The following LRRC75B variants were observed in gnomAD, a reference collection of about 807,000 sequenced individuals.
LRRC75B encodes leucine-rich repeat-containing protein 75B.
LRRC75B carries 20 observed loss-of-function variants against 16.5 expected under a neutral mutation model. The observed-to-expected ratio is 1.21, with a 90% confidence interval of 0.85 to 1.76. The LOEUF is 1.76. Among genes scored for constraint, LRRC75B ranks in the 40% most tolerant of loss-of-function variants. LRRC75B has a pLI of 0.00. For missense variants in LRRC75B, 406 were observed against 417.0 expected (o/e 0.97, Z 0.23); for synonymous variants, 199 against 198.1 (o/e 1.00, Z -0.04).
chr22:24,589,748 C>A (rs1161485626), intron 2 of LRRC75B, 73 bp downstream of exon 2: 5 of 1,490,032 alleles, frequency 3.4e-6, no homozygotes, highest in Non-Finnish European at 4.5e-6. Flanking sequence ...CCTCCCAGTC[C>A]CCAGCCCTGG....
Position 24,585,965 on chromosome 22 carries a change from C to G in LRRC75B, c.869G>C (p.Gly290Ala). 6.2e-7 allele frequency: 1 copy of G among 1,609,800 alleles called. No individual in the cohort carries two copies. Among genetic ancestry groups the G allele is most frequent in the Non-Finnish European group, 8.5e-7 (1 of 1,179,686 alleles). Residue 290 changes from glycine to alanine, a missense_variant, in exon 4 of 4, where the codon GGG becomes GCG. Coordinates refer to ENST00000318753, the MANE Select transcript of LRRC75B (RefSeq NM_207644.3). ...LDLEPEGSAA[G>A]ATTPASTWDS... is the part of the protein sequence containing the mutation. The stretch of plus-strand genomic sequence containing the variant: ...CCAGGTGGAGGCAGGGGTGGTGGCC[C>G]CGGCCGCACTGCCCTCAGGCTCAAG...
Position 24,585,656 on chromosome 22 carries a change from G to A in LRRC75B, c.*230C>T, listed in dbSNP as rs957271641. The A allele has an allele frequency of 8.4e-5, 48 of 570,496 alleles. No individual in the cohort carries two copies. The highest frequency in any genetic ancestry group is 1.1e-4 in the Non-Finnish European group (36 of 322,574). The allele number at this position is 570,496 out of a possible 1,614,324, so 35.3% of individuals were successfully genotyped here. A position where few individuals can be genotyped will look rare whatever the true frequency, so the allele number is the denominator to read the frequency against. On this transcript the variant is annotated 3_prime_UTR_variant, in exon 4 of 4. Transcript: ENST00000318753. ...AGAGGCGGGTGTCACTCTTTATTGCGGGGTCCACACTGTGGGTGCTGGGGC... is the reference window on the plus strand; with the variant it reads ...AGAGGCGGGTGTCACTCTTTATTGCAGGGTCCACACTGTGGGTGCTGGGGC...
In LRRC75B at chr22:24,586,460, C is replaced by T. The variant is rs570699672; in HGVS notation, c.423-49G>A. On this transcript the variant is annotated intron_variant, in intron 3 of 3. Transcript: ENST00000318753. The stretch of plus-strand genomic sequence containing the variant: ...ATGGACTAGGCAACCAGGCAGTCCC[C>T]CCACTGACCACAGACAGTGACCTGT... 7 of 1,562,280 alleles carry T rather than the reference C, an allele frequency of 4.5e-6. No individual in the cohort carries two copies. In the Admixed American group the frequency reaches 5.2e-5, roughly 12 times the overall value.
chr22:24,590,003 G>C, intron 1 of LRRC75B, 54 bp from the exon 2 acceptor site: 1 of 1,496,664 alleles, frequency 6.7e-7, no homozygotes, highest in East Asian at 2.5e-5. Flanking sequence ...CCATCTCGAG[G>C]CACCACCCCA....
intron 1 of LRRC75B, among the ~76,000 whole-genome samples, chr22:24,590,624 CCT>C (rs1355469415): frequency 1.3e-5 from 2 of 152,140 alleles, no homozygotes; most frequent in African/African-American, 2.4e-5. Context: ...CTCAAATTCC[CCT>C]GTCCCCCAGT....
rs1386773017 is a variant in LRRC75B, at chr22:24,586,096, C to G, written c.738G>C (p.Leu246=). 6.2e-7 allele frequency: 1 copy of G among 1,612,690 alleles called. No individual in the cohort carries two copies. Among genetic ancestry groups the G allele is most frequent in the South Asian group, 1.1e-5 (1 of 91,088 alleles). ...GGGAAGCCACATCCACGTTGTTGCC[C>G]AGGTCCACCCAAGCCAAAGCAGGGA... ...TKFPALAWVD[L]GNNVDVASLP... is the part of the protein sequence containing the mutation. Residue 246 remains leucine, a synonymous_variant, in exon 4 of 4, where the codon CTG becomes CTC. Coordinates refer to ENST00000318753, the MANE Select transcript of LRRC75B (RefSeq NM_207644.3).
At chr22:24,587,565 C>T (rs1352716790) in intron 3 of LRRC75B, among the ~76,000 whole-genome samples, 1 of 152,104 alleles carries the variant, frequency 6.6e-6, no homozygotes, top group Non-Finnish European at 1.5e-5. Flanking sequence ...AAGCTCCCGG[C>T]AGCAGTTCAG....
intron 1 of LRRC75B, chr22:24,592,400 C>T (rs2045596001): frequency 2.1e-6 from 1 of 470,846 alleles, no homozygotes; most frequent in South Asian, 1.5e-5. Flanking sequence ...GGTCCTCTCT[C>T]CAGGGTCCAC....
At chr22:24,589,657 A>C (rs1017072833) in intron 2 of LRRC75B, 164 bp downstream of exon 2, 2 of 805,174 alleles carry the variant, frequency 2.5e-6, no homozygotes, top group Non-Finnish European at 3.7e-6. Context: ...TGGCCAGCCT[A>C]ATATACTGAT....
chr22:24,591,290 G>C (rs1031692227), intron 1 of LRRC75B, among the ~76,000 whole-genome samples: 6 of 152,198 alleles, frequency 3.9e-5, no homozygotes, highest in African/African-American at 1.4e-4. Context: ...TGTTGGTCAG[G>C]CTGGTCTCGA....
chr22:24,592,721 C>T (rs1198930060), intron 1 of LRRC75B, 142 bp downstream of exon 1: 19 of 1,293,308 alleles, frequency 1.5e-5, no homozygotes, highest in Non-Finnish European at 1.8e-5. Flanking sequence ...CCTCGGAACC[C>T]GCCTGCGCGC....
intron 1 of LRRC75B, chr22:24,592,627 C>T (rs2045604808): frequency 6.8e-6 from 4 of 585,896 alleles, no homozygotes; most frequent in South Asian, 2.0e-5. Context: ...CTCCTCCACA[C>T]GGTCCGCCGA....
intron 1 of LRRC75B, 75 bp downstream of exon 1, chr22:24,592,788 C>G: frequency 1.6e-6 from 2 of 1,269,244 alleles, no homozygotes; most frequent in South Asian, 3.9e-5. Context: ...ACCCATAGCC[C>G]CGCGCCTCCC....
rs1405551678 is a variant in LRRC75B, at chr22:24,592,861, G to T, written c.177+2C>A. On this transcript the variant is annotated splice_donor_variant, in intron 1 of 3. Transcript: ENST00000318753. LOFTEE classifies it high-confidence loss of function. Reference sequence around the variant, plus strand: ...CCAGGGGCGGACGGCTCCTTCTCTCGCCTGGCGCAGGAGGCGCAGCAGCTG... The same window carrying T: ...CCAGGGGCGGACGGCTCCTTCTCTCTCCTGGCGCAGGAGGCGCAGCAGCTG... 2.3e-6 allele frequency: 3 copies of T among 1,280,674 alleles called. No individual in the cohort carries two copies. Among genetic ancestry groups the T allele is most frequent in the East Asian group, 3.2e-5 (1 of 31,294 alleles). 79.3% of individuals were successfully genotyped at this position (1,280,674 alleles called of 1,614,324 possible).
chr22:24,592,874 G>A lies in LRRC75B; in HGVS notation c.166C>T (p.Leu56Phe). 7.8e-7 allele frequency: 1 copy of A among 1,283,486 alleles called. No individual in the cohort carries two copies. The highest frequency in any genetic ancestry group is 9.9e-7 in the Non-Finnish European group (1 of 1,015,116). 79.5% of individuals were successfully genotyped at this position (1,283,486 alleles called of 1,614,324 possible). ...GCTCCTTCTCTCGCCTGGCGCAGGA[G>A]GCGCAGCAGCTGCCGGGCGCGCTCC... ...RPERARQLLR[L>F]LRQDLGLERT... Residue 56 changes from leucine to phenylalanine, a missense_variant, in exon 1 of 4, where the codon CTC becomes TTC. Leu to Phe is a conservative substitution (Grantham distance 22, BLOSUM62 0). Transcript: ENST00000318753.
In LRRC75B at chr22:24,589,863, G is replaced by A. The variant is rs753380913; in HGVS notation, c.264C>T (p.Asp88=). The A allele has an allele frequency of 6.2e-7, 1 of 1,613,974 alleles. No individual in the cohort carries two copies. The highest frequency in any genetic ancestry group is 8.5e-7 in the Non-Finnish European group (1 of 1,179,930). Residue 88 remains aspartate (D), a synonymous_variant, in exon 2 of 4, where the codon GAC becomes GAT. Coordinates refer to ENST00000318753, the MANE Select transcript of LRRC75B (RefSeq NM_207644.3). ...GGTCCCGGGCCAGGTTCACAAGCAG[G>A]TCATGGGAGATGGGGTCGACCGGGT... ...FLNPVDPISH[D]LLVNLARDLQ...
At chr22:24,589,385 G>A (rs1228059590) in intron 2 of LRRC75B, 2 of 1,105,280 alleles carry the variant, frequency 1.8e-6, no homozygotes, top group African/African-American at 3.4e-5. Flanking sequence ...GTCTGTACAG[G>A]ATGGAGACCT....
At position 24,586,384 on chromosome 22, in the gene LRRC75B, C is replaced by G; in HGVS notation, c.450G>C (p.Leu150=). The part of the protein sequence containing the change: ...SCLKSSLQKT[L]LAGETVDLSG... Reference sequence around the variant, plus strand: ...AGAGGTCCACAGTCTCCCCTGCCAGCAGAGTCTTCTGGAGGCTGCTCTTGA... The same window carrying G: ...AGAGGTCCACAGTCTCCCCTGCCAGGAGAGTCTTCTGGAGGCTGCTCTTGA... The change falls in exon 4 of 4, where the codon CTG becomes CTC. Residue 150 remains leucine (L), a synonymous_variant. Coordinates refer to ENST00000318753, the MANE Select transcript of LRRC75B (RefSeq NM_207644.3). The G allele has an allele frequency of 6.2e-7, 1 of 1,613,402 alleles. No individual in the cohort carries two copies. Among genetic ancestry groups the G allele is most frequent in the Non-Finnish European group, 8.5e-7 (1 of 1,179,796 alleles).
rs764994116 is a variant in LRRC75B at position 24,585,700 on chromosome 22, G to T, written c.*186C>A. 2 of 675,776 alleles carry T rather than the reference G, an allele frequency of 3.0e-6. No homozygotes were observed. Among genetic ancestry groups the T allele is most frequent in the African/African-American group, 1.8e-5 (1 of 55,286 alleles). The allele number at this position is 675,776 out of a possible 1,614,324, so 41.9% of individuals were successfully genotyped here. A position where few individuals can be genotyped will look rare whatever the true frequency, so the allele number is the denominator to read the frequency against. On this transcript the variant is annotated 3_prime_UTR_variant, in exon 4 of 4. Transcript: ENST00000318753. The stretch of plus-strand genomic sequence containing the variant: ...CTGGGGCCCCTCCCACTGAGGGAAG[G>T]CTGAGCCTCTAGCCAGGGCTGGCCA...
Sources: gnomAD v4.1 joint callset for allele counts (sites outside exome capture counted in the v4.1 genomes callset) on GRCh38, gnomAD v4.1.1 for gene constraint, MANE v1.5 for transcripts, NCBI Gene and HGNC (gene_info 2026-07-23, HGNC 2026-07-21) for gene names.